The following PIK3C2G variants were observed in gnomAD, a reference collection of about 807,000 sequenced individuals.
The protein encoded by PIK3C2G is phosphatidylinositol 3-kinase C2 domain-containing subunit gamma.
PIK3C2G carries 168 observed loss-of-function variants against 181.1 expected under a neutral mutation model. The observed-to-expected ratio is 0.93, with a 90% CI of 0.82 to 1.05. PIK3C2G has a LOEUF of 1.05. PIK3C2G is among the 50% of genes least tolerant of loss of function. PIK3C2G has a pLI of 0.00. For synonymous variants in PIK3C2G, 573 were observed against 592.2 expected (o/e 0.97, Z 0.47); for missense variants, 1,869 against 1,732.8 (o/e 1.08, Z -1.40).
the PIK3C2G span, among the ~76,000 whole-genome samples, chr12:18,701,214 A>T: frequency 6.6e-6 from 1 of 152,034 alleles, no homozygotes; most frequent in African/African-American, 2.4e-5. Context: ...CAAACTCCTG[A>T]CTTCATGTGA....
intron 30 of PIK3C2G, among the ~76,000 whole-genome samples, chr12:18,595,914 C>A (rs1161938989): frequency 1.3e-5 from 2 of 152,046 alleles, no homozygotes; most frequent in African/African-American, 4.8e-5. Flanking sequence ...GCTATACACG[C>A]CTAGAATGTT....
chr12:18,696,139 A>T, the PIK3C2G span: 1 of 1,313,934 alleles, frequency 7.6e-7, no homozygotes, highest in Non-Finnish European at 1.1e-6. Context: ...TCAATATCGT[A>T]TATAACATAC....
upstream of PIK3C2G, among the ~76,000 whole-genome samples, chr12:18,261,052 T>C (rs550361873): frequency 3.9e-5 from 6 of 152,246 alleles, no homozygotes; most frequent in South Asian, 1.2e-3. Flanking sequence ...ATGAACTTAT[T>C]AAATTCTAAT....
chr12:18,287,616 GAGGCCAAGAC>G (rs773706090), intron 3 of PIK3C2G, among the ~76,000 whole-genome samples: 4 of 152,076 alleles, frequency 2.6e-5, no homozygotes, highest in Non-Finnish European at 4.4e-5. Context: ...AGCACTTTGG[GAGGCCAAGAC>G]AGGTGGATCA....
intron 25 of PIK3C2G, among the ~76,000 whole-genome samples, chr12:18,539,288 A>G (rs1944025129): frequency 6.6e-6 from 1 of 151,904 alleles, no homozygotes; most frequent in Non-Finnish European, 1.5e-5. Context: ...TGAATAAATG[A>G]CCTAGTAGTG....
At chr12:18,611,869 C>T (rs751736295) in intron 31 of PIK3C2G, among the ~76,000 whole-genome samples, 1 of 152,146 alleles carries the variant, frequency 6.6e-6, no homozygotes, top group Admixed American at 6.6e-5. Context: ...ACTTGAATTA[C>T]TGCTATAGTT....
intron 8 of PIK3C2G, among the ~76,000 whole-genome samples, chr12:18,334,494 T>C (rs1054219773): frequency 1.3e-5 from 2 of 152,142 alleles, no homozygotes; most frequent in African/African-American, 4.8e-5. Context: ...TACCTTCACG[T>C]TGATGTCTAT....
intron 1 of PIK3C2G, among the ~76,000 whole-genome samples, chr12:18,271,905 A>G (rs546746951): frequency 1.3e-5 from 2 of 152,298 alleles, no homozygotes; most frequent in East Asian, 3.9e-4. Context: ...GATATTAGCA[A>G]CTACACAAAA....
chr12:18,717,676 A>G, the PIK3C2G span, among the ~76,000 whole-genome samples: 1 of 152,150 alleles, frequency 6.6e-6, no homozygotes, highest in South Asian at 2.1e-4. Flanking sequence ...TTGGGCTTCA[A>G]CATCTCAGCC....
chr12:18,428,275 A>G (rs1430348711), intron 18 of PIK3C2G, among the ~76,000 whole-genome samples: 1 of 151,818 alleles, frequency 6.6e-6, no homozygotes, highest in Non-Finnish European at 1.5e-5. Flanking sequence ...TGCAGCTCCC[A>G]TCTCACGATT....
At chr12:18,308,794 G>T (rs1950523694) in intron 5 of PIK3C2G, among the ~76,000 whole-genome samples, 1 of 151,526 alleles carries the variant, frequency 6.6e-6, no homozygotes, top group African/African-American at 2.4e-5. Context: ...AATTAAAAAT[G>T]ATAAACTTAT....
intron 5 of PIK3C2G, among the ~76,000 whole-genome samples, chr12:18,311,629 G>A (rs753318825): frequency 4.0e-5 from 6 of 151,700 alleles, no homozygotes; most frequent in African/African-American, 9.7e-5. Context: ...ATACACACAC[G>A]TTTAGTGTAA....
At chr12:18,406,523 G>T (rs560141203) in intron 16 of PIK3C2G, among the ~76,000 whole-genome samples, 1 of 152,182 alleles carries the variant, frequency 6.6e-6, no homozygotes, top group African/African-American at 2.4e-5. Flanking sequence ...CAAAAAGATA[G>T]CTAAAGTTGG....
intron 18 of PIK3C2G, among the ~76,000 whole-genome samples, chr12:18,459,808 C>G (rs547067241): frequency 6.6e-6 from 1 of 152,312 alleles, no homozygotes; most frequent in East Asian, 1.9e-4. Context: ...GTCATCCAAA[C>G]TGGAGTGCAG....
At chr12:18,479,477 C>T (rs144133182) in intron 18 of PIK3C2G, among the ~76,000 whole-genome samples, 1 of 152,262 alleles carries the variant, frequency 6.6e-6, no homozygotes, top group African/African-American at 2.4e-5. Context: ...TCACAATATC[C>T]TCCCTCATCT....
intron 18 of PIK3C2G, among the ~76,000 whole-genome samples, chr12:18,432,083 G>A (rs1327193584): frequency 6.6e-6 from 1 of 152,140 alleles, no homozygotes; most frequent in Non-Finnish European, 1.5e-5. Flanking sequence ...ATGCAATAGA[G>A]ATTTTATGTA....
At chr12:18,421,282 T>C (rs1945472023) in intron 17 of PIK3C2G, among the ~76,000 whole-genome samples, 1 of 151,900 alleles carries the variant, frequency 6.6e-6, no homozygotes, top group South Asian at 2.1e-4. Flanking sequence ...TATGAAAAAA[T>C]AGACATGCTC....
Position 18,282,019 on chromosome 12 carries a change from C to G in PIK3C2G, c.-63C>G, listed in dbSNP as rs1671214238. ...CTTTTTCTAGGAAAATTTCTATCTT[C>G]TTTTGTATTATCAAGGAGATATTTG... is the stretch of plus-strand genomic sequence containing the variant. On this transcript the variant is annotated 5_prime_UTR_variant, in exon 2 of 33. Transcript: ENST00000538779. 1 of 939,426 alleles carries G rather than the reference C, an allele frequency of 1.1e-6. No individual in the cohort carries two copies. The highest frequency in any genetic ancestry group is 2.2e-4 in the Middle Eastern group (1 of 4,538). 58.2% of individuals were successfully genotyped at this position (939,426 alleles called of 1,614,324 possible).
chr12:18,508,151 T>A (rs1480159332), intron 24 of PIK3C2G, among the ~76,000 whole-genome samples: 2 of 152,202 alleles, frequency 1.3e-5, no homozygotes, highest in African/African-American at 4.8e-5. Flanking sequence ...AACCACCAGC[T>A]AAGGAGGCCA....
Sources: gnomAD v4.1 joint callset for allele counts (sites outside exome capture counted in the v4.1 genomes callset) on GRCh38, gnomAD v4.1.1 for gene constraint, MANE v1.5 for transcripts, NCBI Gene and HGNC (gene_info 2026-07-23, HGNC 2026-07-21) for gene names.